The following SCAI variants were observed in gnomAD, a reference collection of about 807,000 sequenced individuals.
SCAI encodes suppressor of cancer cell invasion.
SCAI carries 24 observed loss-of-function variants against 92.2 expected under a neutral mutation model. That is an observed-to-expected ratio of 0.26 (90% CI 0.19 to 0.37). The LOEUF (loss-of-function observed/expected upper bound fraction) is 0.37, where lower values mean the gene tolerates loss of function less well. Ranked by LOEUF, SCAI falls within the 10% of genes least tolerant of loss-of-function variation. The probability of loss-of-function intolerance (pLI) is 1.00; values close to 1 mark genes in which losing one functional copy is unlikely to be tolerated. For missense variants in SCAI, 450 were observed against 736.2 expected, an observed-to-expected ratio of 0.61 and a Z score of 4.50; for synonymous variants, 261 against 258.6, an observed-to-expected ratio of 1.01 and a Z score of -0.09.
In SCAI at chr9:124,979,024, C is replaced by T. The variant is rs543734506; in HGVS notation, c.1327-2838G>A. On this transcript the variant is annotated intron_variant, in intron 14 of 17. Transcript: ENST00000336505. ...TACAGGGGAATGCCACTGTGCCTGG[C>T]TAATTTTTGTGTTTTTAGTAGAGAC... 8.6e-5 allele frequency among the ~76,000 whole-genome samples: 13 copies of T among 151,896 alleles called. No homozygotes were observed. The South Asian group carries it at 2.1e-3, about 24-fold the overall frequency.
chr9:124,999,231 A>G (rs969553542), intron 13 of SCAI, among the ~76,000 whole-genome samples: 2 of 152,034 alleles, frequency 1.3e-5, no homozygotes, highest in African/African-American at 4.8e-5. Flanking sequence ...TACTAAAAAT[A>G]CAAAAATTAG....
chr9:125,136,991 T>C (rs1423634438), intron 2 of SCAI, among the ~76,000 whole-genome samples: 7 of 151,736 alleles, frequency 4.6e-5, no homozygotes, highest in Non-Finnish European at 1.0e-4. Flanking sequence ...ACTCCTGACC[T>C]TGTGATCCAC....
intron 2 of SCAI, among the ~76,000 whole-genome samples, chr9:125,136,769 CT>C (rs796469701): frequency 0.065 from 7,739 of 118,892 alleles, 578 homozygotes; most frequent in African/African-American, 0.2. Flanking sequence ...ACTAATACCA[CT>C]TTTTTTTTTT....
rs749569768 is a variant in SCAI, at chr9:124,962,170, T to TGG, written c.1674+9199_1674+9200insCC. On this transcript the variant is annotated intron_variant, in intron 17 of 17. Coordinates refer to ENST00000336505, the MANE Select transcript of SCAI (RefSeq NM_001144877.3). The stretch of plus-strand genomic sequence containing the variant: ...TATGTCTTTTTTTTTTTTTTTTTTT[T>TGG]GCGGGGGGGGATGGAGTCTTGCTCT... Among the ~76,000 whole-genome samples, 335 of 84,036 alleles carry TGG rather than the reference T, an allele frequency of 4.0e-3. 16 individuals are homozygous for TGG. Among genetic ancestry groups the TGG allele is most frequent in the Admixed American group, 0.031 (206 of 6,624 alleles). The allele number at this position is 84,036 out of a possible 152,430, so 55.1% of individuals were successfully genotyped here. A position where few individuals can be genotyped will look rare whatever the true frequency, so the allele number is the denominator to read the frequency against.
intron 2 of SCAI, among the ~76,000 whole-genome samples, chr9:125,133,591 C>T (rs1656488495): frequency 6.6e-6 from 1 of 152,124 alleles, no homozygotes; most frequent in Non-Finnish European, 1.5e-5. Context: ...ATGAAAACCA[C>T]AATGACACGT....
intron 7 of SCAI, 127 bp from the exon 8 acceptor site, chr9:125,019,332 GATT>G: frequency 1.8e-6 from 1 of 560,674 alleles, no homozygotes; most frequent in South Asian, 2.8e-5. Flanking sequence ...ACACAGTCCT[GATT>G]ATAACAAAAA....
chr9:125,126,962 TGAG>T (rs768540632), intron 2 of SCAI, among the ~76,000 whole-genome samples: 156 of 152,298 alleles, frequency 1.0e-3, no homozygotes, highest in Non-Finnish European at 1.7e-3. Context: ...ATGAACTCCT[TGAG>T]GAGATTATAC....
chr9:125,038,539 C>T (rs1041117572), intron 3 of SCAI, among the ~76,000 whole-genome samples: 1 of 152,180 alleles, frequency 6.6e-6, no homozygotes, highest in Non-Finnish European at 1.5e-5. Flanking sequence ...GATCTGCTTA[C>T]CTAGATGTTT....
chr9:124,971,886 C>T lies in SCAI; in HGVS notation c.1400-42G>A, dbSNP rs199536573. Reference sequence around the variant, plus strand: ...GTTATATATATAGACAATAGTTTTGCAAAAGATAAGAGATACATATGAGGA... The same window carrying T: ...GTTATATATATAGACAATAGTTTTGTAAAAGATAAGAGATACATATGAGGA... On this transcript the variant is annotated intron_variant, in intron 15 of 17. Coordinates refer to ENST00000336505, the MANE Select transcript of SCAI (RefSeq NM_001144877.3). 159 of 1,325,094 alleles carry T rather than the reference C, an allele frequency of 1.2e-4. 1 individual carries two copies. In the African/African-American group the frequency reaches 2.1e-3, roughly 17 times the overall value. The allele number at this position is 1,325,094 out of a possible 1,614,324, so 82.1% of individuals were successfully genotyped here.
At chr9:125,134,235 A>G (rs929091399) in intron 2 of SCAI, among the ~76,000 whole-genome samples, 2 of 152,142 alleles carry the variant, frequency 1.3e-5, no homozygotes, top group Non-Finnish European at 2.9e-5. Flanking sequence ...AACTGCCCTC[A>G]CTACCACTAT....
chr9:125,046,230 C>CACACATATATATACATATATAT (rs1833434525), intron 3 of SCAI, among the ~76,000 whole-genome samples: 1 of 58,582 alleles, frequency 1.7e-5, no homozygotes, highest in Non-Finnish European at 3.7e-5. Flanking sequence ...TATATGCACA[C>CACACATATATATACATATATAT]ACACATATAT....
At chr9:124,965,150 C>T (rs1588120366) in intron 17 of SCAI, among the ~76,000 whole-genome samples, 1 of 152,108 alleles carries the variant, frequency 6.6e-6, no homozygotes, top group Admixed American at 6.6e-5. Flanking sequence ...GAATTTAATT[C>T]TCTAGCTGTA....
At chr9:124,956,471 G>C (rs960766141) in intron 17 of SCAI, among the ~76,000 whole-genome samples, 1 of 151,986 alleles carries the variant, frequency 6.6e-6, no homozygotes, top group African/African-American at 2.4e-5. Flanking sequence ...TGCCCACCTC[G>C]ACCTCCCAAA....
rs1465693902 is a variant in SCAI at position 124,942,718 on chromosome 9, C to T, written c.*10089G>A. 6.6e-6 allele frequency: 1 copy of T among 152,160 alleles called. No homozygotes were observed. The highest frequency in any genetic ancestry group is 2.4e-5 in the African/African-American group (1 of 41,430). 9.4% of individuals were successfully genotyped at this position (152,160 alleles called of 1,614,324 possible). A position where few individuals can be genotyped will look rare whatever the true frequency, so the allele number is the denominator to read the frequency against. Reference sequence around the variant, plus strand: ...CACACCTGATGAATGTAGACACATTCCTAGAGAACATTTATCAATGTGAAA... The same window carrying T: ...CACACCTGATGAATGTAGACACATTTCTAGAGAACATTTATCAATGTGAAA... On this transcript the variant is annotated 3_prime_UTR_variant, in exon 18 of 18. Transcript: ENST00000336505.
At chr9:125,061,757 T>C (rs1187926297) in intron 2 of SCAI, among the ~76,000 whole-genome samples, 1 of 150,064 alleles carries the variant, frequency 6.7e-6, no homozygotes, top group Non-Finnish European at 1.5e-5. Flanking sequence ...AAGACCCAGC[T>C]CAAAATGAAA....
intron 3 of SCAI, among the ~76,000 whole-genome samples, chr9:125,035,815 T>C (rs59682766): frequency 0.012 from 1,865 of 152,264 alleles, 94 homozygotes; most frequent in Admixed American, 0.083. Context: ...CCTAGCACTT[T>C]GGGAGGCCAA....
At chr9:124,979,579 G>A (rs1397090707) in intron 14 of SCAI, among the ~76,000 whole-genome samples, 1 of 152,102 alleles carries the variant, frequency 6.6e-6, no homozygotes, top group Non-Finnish European at 1.5e-5. Context: ...GTTTTAGTTT[G>A]TATATCCATT....
intron 3 of SCAI, among the ~76,000 whole-genome samples, chr9:125,041,858 A>G (rs749342612): frequency 3.9e-5 from 6 of 152,164 alleles, no homozygotes. Context: ...AATTTTTTAA[A>G]ATTTGTCCAT....
At chr9:125,030,509 T>C (rs1184885926) in intron 3 of SCAI, among the ~76,000 whole-genome samples, 2 of 152,188 alleles carry the variant, frequency 1.3e-5, no homozygotes, top group African/African-American at 4.8e-5. Flanking sequence ...AGGAAGGCAC[T>C]ACAATTTGAG....
Sources: gnomAD v4.1 joint callset for allele counts (sites outside exome capture counted in the v4.1 genomes callset) on GRCh38, gnomAD v4.1.1 for gene constraint, MANE v1.5 for transcripts, NCBI Gene and HGNC (gene_info 2026-07-23, HGNC 2026-07-21) for gene names.